Variants in RNF2 observed in about 807,000 individuals in gnomAD.
RNF2 encodes E3 ubiquitin-protein ligase RING2.
A neutral mutation model predicts 37.2 loss-of-function variants in RNF2; 6 were observed. That is an observed-to-expected ratio of 0.16 (90% confidence interval 0.09 to 0.32). RNF2 has a LOEUF of 0.32. Ranked by LOEUF, RNF2 falls within the 10% of genes least tolerant of loss-of-function variation. The pLI, the probability that RNF2 is intolerant of heterozygous loss-of-function variation, is 1.00. For synonymous variants in RNF2, 133 were observed against 132.7 expected (o/e 1.00, Z -0.02); for missense variants, 251 against 404.0 (o/e 0.62, Z 3.25).
chr1:185,095,647 G>A (rs1251915938), intron 4 of RNF2, among the ~76,000 whole-genome samples: 2 of 152,134 alleles, frequency 1.3e-5, no homozygotes, highest in African/African-American at 4.8e-5. Context: ...GCTTAAAGTA[G>A]TAGCTGCTCA....
chr1:185,089,182 T>TA (rs1290280338), intron 2 of RNF2, among the ~76,000 whole-genome samples: 1 of 152,162 alleles, frequency 6.6e-6, no homozygotes, highest in Non-Finnish European at 1.5e-5. Flanking sequence ...TTCGGACTCT[T>TA]ACGAGAGTCT....
At chr1:185,051,399 T>A (rs567109336) in intron 1 of RNF2, among the ~76,000 whole-genome samples, 12 of 152,302 alleles carry the variant, frequency 7.9e-5, no homozygotes, top group African/African-American at 2.9e-4. Context: ...GAGTCTCTTT[T>A]CTTTTGTTAA....
Position 185,101,867 on chromosome 1 carries a change from A to G in RNF2, c.*1566A>G, listed in dbSNP as rs765696440. On this transcript the variant is annotated 3_prime_UTR_variant, in exon 7 of 7. Transcript: ENST00000367510. ...TTTTTTTTTTTTTGTAATCTGTGCC[A>G]TGAAATTTGAAAACCACCAAAAATC... is the stretch of plus-strand genomic sequence containing the variant. 1 of 90,050 alleles carries G rather than the reference A, an allele frequency of 1.1e-5. No homozygotes were observed. The highest frequency in any genetic ancestry group is 2.0e-5 in the Non-Finnish European group (1 of 49,622). The allele number at this position is 90,050 out of a possible 1,614,324, so 5.6% of individuals were successfully genotyped here. A position where few individuals can be genotyped will look rare whatever the true frequency, so the allele number is the denominator to read the frequency against.
intron 1 of RNF2, among the ~76,000 whole-genome samples, chr1:185,081,218 G>A (rs977455202): frequency 6.6e-6 from 1 of 152,146 alleles, no homozygotes; most frequent in African/African-American, 2.4e-5. Context: ...TTCCTGTAGT[G>A]TAAAAATCCA....
intron 1 of RNF2, among the ~76,000 whole-genome samples, chr1:185,072,254 G>C (rs1231279970): frequency 6.6e-6 from 1 of 151,980 alleles, no homozygotes; most frequent in African/African-American, 2.4e-5. Flanking sequence ...AGGGGTTTTT[G>C]GTTATTTTTT....
intron 1 of RNF2, among the ~76,000 whole-genome samples, chr1:185,063,898 A>G (rs1158593464): frequency 6.6e-6 from 1 of 152,128 alleles, no homozygotes; most frequent in Non-Finnish European, 1.5e-5. Context: ...CTCACATCAC[A>G]TCGCTTTGTC....
intron 1 of RNF2, among the ~76,000 whole-genome samples, chr1:185,049,554 C>G (rs1008502): frequency 0.099 from 15,050 of 151,830 alleles, 972 homozygotes; most frequent in East Asian, 0.26. Context: ...AACAAGATAT[C>G]TGAGAGCAGT....
intron 1 of RNF2, among the ~76,000 whole-genome samples, chr1:185,053,333 TC>T (rs1295899400): frequency 6.6e-6 from 1 of 151,682 alleles, no homozygotes; most frequent in Non-Finnish European, 1.5e-5. Flanking sequence ...TTCCTTTTTT[TC>T]TTTTTCTTTT....
At position 185,098,069 on chromosome 1, in the gene RNF2, T is replaced by G; in HGVS notation, c.465-3T>G. 6.2e-7 allele frequency: 1 copy of G among 1,613,234 alleles called. No homozygotes were observed. The highest frequency in any genetic ancestry group is 8.5e-7 in the Non-Finnish European group (1 of 1,179,388). ...TATGCATCCTTTTTTCCCCCTTGAC[T>G]AGACTGCAGCGAGGCAAGAAACAAC... On this transcript the variant is annotated splice_region_variant and splice_polypyrimidine_tract_variant and intron_variant, in intron 4 of 6. Transcript: ENST00000367510.
intron 1 of RNF2, among the ~76,000 whole-genome samples, chr1:185,051,723 CT>C (rs1252947103): frequency 7.1e-6 from 1 of 141,180 alleles, no homozygotes; most frequent in African/African-American, 2.5e-5. Context: ...ATTCCCCCTC[CT>C]TAACTAATTC....
chr1:185,068,784 T>C (rs1374644096), intron 1 of RNF2, among the ~76,000 whole-genome samples: 1 of 152,204 alleles, frequency 6.6e-6, no homozygotes, highest in Admixed American at 6.5e-5. Context: ...AGAATGTAAA[T>C]GGACATTTCT....
intron 1 of RNF2, among the ~76,000 whole-genome samples, chr1:185,064,603 T>C (rs186285609): frequency 6.6e-6 from 1 of 152,362 alleles, no homozygotes; most frequent in East Asian, 1.9e-4. Context: ...GGTTTCACTT[T>C]AGACTTAAGA....
At chr1:185,063,508 G>A (rs192480072) in intron 1 of RNF2, among the ~76,000 whole-genome samples, 72 of 152,168 alleles carry the variant, frequency 4.7e-4, no homozygotes, top group African/African-American at 1.5e-3. Flanking sequence ...ACCGAAGTTC[G>A]CATTTTTTGT....
Position 185,069,931 on chromosome 1 carries a change from T to TTTTAAAATCAA in RNF2, c.-2-17620_-2-17619insTTAAAATCAAT, listed in dbSNP as rs1650917881. On this transcript the variant is annotated intron_variant, in intron 1 of 6. Coordinates refer to ENST00000367510, the MANE Select transcript of RNF2 (RefSeq NM_007212.4). The stretch of plus-strand genomic sequence containing the variant: ...TAGAATAAGTCTTAAATGAGTAGTC[T>TTTTAAAATCAA]TGAATCAGCCATTGATTTTCTGCTT... 2.0e-5 allele frequency among the ~76,000 whole-genome samples: 3 copies of TTTTAAAATCAA among 152,222 alleles called. No homozygotes were observed. In the South Asian group the frequency reaches 6.2e-4, roughly 32 times the overall value.
intron 1 of RNF2, among the ~76,000 whole-genome samples, chr1:185,073,236 G>T (rs929256566): frequency 6.6e-6 from 1 of 151,852 alleles, no homozygotes; most frequent in Non-Finnish European, 1.5e-5. Flanking sequence ...CCATTCTTAT[G>T]CATATGCTTA....
At chr1:185,052,983 A>G (rs1650313773) in intron 1 of RNF2, among the ~76,000 whole-genome samples, 1 of 152,218 alleles carries the variant, frequency 6.6e-6, no homozygotes, top group Non-Finnish European at 1.5e-5. Context: ...TAAGAACTCT[A>G]AGAGGTGGTA....
chr1:185,094,899 C>T (rs111644230), intron 4 of RNF2, among the ~76,000 whole-genome samples: 25 of 152,280 alleles, frequency 1.6e-4, no homozygotes, highest in African/African-American at 6.0e-4. Flanking sequence ...GTGGTTTTCA[C>T]CTTGGCTGAA....
At chr1:185,081,011 A>T (rs1250674981) in intron 1 of RNF2, among the ~76,000 whole-genome samples, 1 of 152,138 alleles carries the variant, frequency 6.6e-6, no homozygotes, top group Non-Finnish European at 1.5e-5. Flanking sequence ...CCTCCTGAGT[A>T]GTTTTGGTTC....
intron 1 of RNF2, among the ~76,000 whole-genome samples, chr1:185,083,288 C>G (rs558320775): frequency 2.0e-5 from 3 of 152,104 alleles, no homozygotes; most frequent in Non-Finnish European, 4.4e-5. Flanking sequence ...CGTATTTTGT[C>G]AGTTTTCTCA....
Sources: gnomAD v4.1 joint callset for allele counts (sites outside exome capture counted in the v4.1 genomes callset) on GRCh38, gnomAD v4.1.1 for gene constraint, MANE v1.5 for transcripts, NCBI Gene and HGNC (gene_info 2026-07-23, HGNC 2026-07-21) for gene names.